Variants in FMN1 observed in about 807,000 individuals in gnomAD.
FMN1 encodes formin 1.
Under a neutral mutation model 132.4 loss-of-function variants are expected in FMN1, and 110 were observed. The observed-to-expected ratio is 0.83, with a 90% CI of 0.71 to 0.97. FMN1 has a LOEUF of 0.97. FMN1 is among the 50% of genes least tolerant of loss of function. FMN1 has a pLI of 0.00. For synonymous variants in FMN1, 722 were observed against 651.7 expected (o/e 1.11, Z -1.64); for missense variants, 1,792 against 1,705.3 (o/e 1.05, Z -0.90).
At chr15:33,035,333 T>C (rs1248363615) in intron 6 of FMN1, among the ~76,000 whole-genome samples, 1 of 152,198 alleles carries the variant, frequency 6.6e-6, no homozygotes, top group Non-Finnish European at 1.5e-5. Context: ...TAAATTTTAG[T>C]TAGCTACGAT....
chr15:32,966,485 G>A (rs1336208141), intron 8 of FMN1, among the ~76,000 whole-genome samples: 4 of 151,940 alleles, frequency 2.6e-5, no homozygotes, highest in African/African-American at 9.7e-5. Flanking sequence ...GAAGGCAGGG[G>A]GAGAGAGAGA....
chr15:32,937,155 A>G lies in FMN1; in HGVS notation c.3139-10894T>C, dbSNP rs540237636. Among the ~76,000 whole-genome samples the G allele has an allele frequency of 7.9e-5, 12 of 152,164 alleles. No individual in the cohort carries two copies. In the South Asian group the frequency reaches 2.3e-3, roughly 29 times the overall value. ...GGGCAATTGCACTGAATGCATACTAATTCATATCATCATCTTTCTTCTCAG... is the reference window on the plus strand; with the variant it reads ...GGGCAATTGCACTGAATGCATACTAGTTCATATCATCATCTTTCTTCTCAG... On this transcript the variant is annotated intron_variant, in intron 9 of 20. Coordinates refer to ENST00000616417, the MANE Select transcript of FMN1 (RefSeq NM_001277313.2).
chr15:33,122,289 G>T (rs374217957), intron 4 of FMN1, among the ~76,000 whole-genome samples: 66 of 150,546 alleles, frequency 4.4e-4, no homozygotes, highest in African/African-American at 1.6e-3. Context: ...TCCGTAAAAC[G>T]TTGTTGTGTT....
Position 32,969,035 on chromosome 15 carries a change from G to T in FMN1, c.2666C>A (p.Ser889Tyr). The part of the protein sequence containing the change: ...PPLPSGLGSL[S>Y]PAPPMPPVSA... ...CACAGGTGGCATTGGAGGTGCGGGA[G>T]ACAAAGATCCAAGTCCTGAGGGGAG... is the stretch of plus-strand genomic sequence containing the variant. Residue 889 changes from serine (S) to tyrosine (Y), a missense_variant, in exon 8 of 21, where the codon TCT (serine) becomes TAT (tyrosine). Physicochemically the swap from Ser to Tyr is moderately radical, Grantham distance 144. This residue lies in a region of FMN1 where 1,150 missense variants were observed against 1,043.1 expected (regional missense o/e 1.10). Transcript: ENST00000616417. 1 of 1,403,414 alleles carries T rather than the reference G, an allele frequency of 7.1e-7. No homozygotes were observed. 86.9% of individuals were successfully genotyped at this position (1,403,414 alleles called of 1,614,324 possible).
At chr15:33,162,843 G>A (rs570195996) in intron 3 of FMN1, among the ~76,000 whole-genome samples, 92 of 152,182 alleles carry the variant, frequency 6.0e-4, no homozygotes, top group Middle Eastern at 3.2e-3. Context: ...CAGGCCGGGC[G>A]TGGTGGCTCA....
At chr15:33,080,921 G>T (rs1417895354) in intron 5 of FMN1, among the ~76,000 whole-genome samples, 2 of 151,754 alleles carry the variant, frequency 1.3e-5, no homozygotes, top group African/African-American at 4.8e-5. Flanking sequence ...ACTAAATCTT[G>T]AAACAATACA....
chr15:33,088,770 A>G (rs2141358599), intron 5 of FMN1, 29 bp downstream of exon 5: 1 of 1,523,772 alleles, frequency 6.6e-7, no homozygotes, highest in Non-Finnish European at 8.8e-7. Context: ...ACAAAGAACC[A>G]CAGCACAATC....
chr15:33,001,534 G>A (rs565434799), intron 7 of FMN1, among the ~76,000 whole-genome samples: 1 of 150,476 alleles, frequency 6.6e-6, no homozygotes, highest in African/African-American at 2.4e-5. Context: ...TTGTCCAAGT[G>A]CGTCCCCCCT....
chr15:32,791,041 G>A (rs1468183628), intron 19 of FMN1, among the ~76,000 whole-genome samples: 1 of 152,144 alleles, frequency 6.6e-6, no homozygotes, highest in Non-Finnish European at 1.5e-5. Context: ...TGATCAGCAG[G>A]AAATAATGGG....
chr15:32,779,620 A>G (rs1005190024), intron 19 of FMN1, among the ~76,000 whole-genome samples: 4 of 152,194 alleles, frequency 2.6e-5, no homozygotes, highest in Non-Finnish European at 5.9e-5. Context: ...ATCAAGAAAA[A>G]CTACAGACAA....
chr15:32,913,682 G>A (rs547236092), intron 10 of FMN1, among the ~76,000 whole-genome samples: 8 of 152,246 alleles, frequency 5.3e-5, no homozygotes, highest in African/African-American at 1.9e-4. Flanking sequence ...AGGTGAAGAT[G>A]GTATACTTTA....
intron 18 of FMN1, among the ~76,000 whole-genome samples, chr15:32,801,488 C>T (rs184519405): frequency 7.9e-5 from 12 of 152,130 alleles, no homozygotes; most frequent in African/African-American, 2.2e-4. Flanking sequence ...CTTATTTGGC[C>T]GGGCACAGTG....
intron 7 of FMN1, among the ~76,000 whole-genome samples, chr15:32,971,493 G>GTA (rs1197131626): frequency 6.6e-6 from 1 of 151,986 alleles, no homozygotes; most frequent in East Asian, 1.9e-4. Flanking sequence ...TTTCAACATC[G>GTA]TATCATTTCC....
At chr15:32,942,092 C>T (rs2140445874) in intron 9 of FMN1, among the ~76,000 whole-genome samples, 1 of 152,316 alleles carries the variant, frequency 6.6e-6, no homozygotes, top group Admixed American at 6.5e-5. Flanking sequence ...TTTCCAGACC[C>T]CTGCCACATG....
At position 32,972,078 on chromosome 15, in the gene FMN1, C is replaced by A. The variant is rs993751719; in HGVS notation, c.2224-2601G>T. ...GGATAATAAAATGTACCTGACAGAG[C>A]GGATATGCCAGGGAGGCAAATTAAT... On this transcript the variant is annotated intron_variant, in intron 7 of 20. Transcript: ENST00000616417. Among the ~76,000 whole-genome samples, 6 of 152,082 alleles carry A rather than the reference C, an allele frequency of 3.9e-5. No homozygotes were observed. The East Asian group carries it at 5.8e-4, about 15-fold the overall frequency.
intron 8 of FMN1, among the ~76,000 whole-genome samples, chr15:32,968,194 T>G (rs1348914391): frequency 1.3e-5 from 2 of 152,246 alleles, no homozygotes; most frequent in Non-Finnish European, 2.9e-5. Flanking sequence ...GTTTGTATTT[T>G]AAGACTCTCC....
At chr15:33,076,884 A>C (rs1224492988) in intron 5 of FMN1, among the ~76,000 whole-genome samples, 1 of 152,244 alleles carries the variant, frequency 6.6e-6, no homozygotes, top group Non-Finnish European at 1.5e-5. Flanking sequence ...GAGGGTAGAA[A>C]GGTCACAAAT....
chr15:32,971,541 CCA>C (rs1308819901), intron 7 of FMN1, among the ~76,000 whole-genome samples: 2 of 152,128 alleles, frequency 1.3e-5, no homozygotes, highest in African/African-American at 4.8e-5. Context: ...CCACTTCCAC[CCA>C]CATCTTAGCC....
intron 4 of FMN1, among the ~76,000 whole-genome samples, chr15:33,105,007 G>A (rs1396027450): frequency 1.3e-5 from 2 of 152,124 alleles, no homozygotes; most frequent in Non-Finnish European, 2.9e-5. Flanking sequence ...AGGTGGTGGA[G>A]ATGCCCTGGG....
Sources: allele counts gnomAD v4.1 joint callset (sites outside exome capture counted in the v4.1 genomes callset), GRCh38; gene constraint gnomAD v4.1.1; regional missense constraint gnomAD v4.1.1; transcripts MANE v1.5; gene names NCBI Gene and HGNC (gene_info 2026-07-23, HGNC 2026-07-21).